The following CADPS2 variants were observed in gnomAD, a reference collection of about 807,000 sequenced individuals.
The protein encoded by CADPS2 is calcium-dependent secretion activator 2.
In CADPS2, 93 loss-of-function variants were observed where a neutral mutation model predicts 172.5. That is an observed-to-expected ratio of 0.54 (90% CI 0.46 to 0.64). CADPS2 has a LOEUF of 0.64. Among genes scored for constraint, CADPS2 ranks in the 30% least tolerant of loss-of-function variants. The probability of loss-of-function intolerance (pLI) is 0.00; values close to 1 mark genes in which losing one functional copy is unlikely to be tolerated. For missense variants in CADPS2, 1,420 were observed against 1,565.9 expected (o/e 0.91, Z 1.57); for synonymous variants, 546 against 555.2 (o/e 0.98, Z 0.23).
chr7:122,494,757 T>C (rs1056822456), intron 9 of CADPS2, among the ~76,000 whole-genome samples: 7 of 152,136 alleles, frequency 4.6e-5, no homozygotes, highest in African/African-American at 1.4e-4. Flanking sequence ...TATCTTGTGA[T>C]ACTTGTGGTT....
chr7:122,645,658 GATATATAT>G (rs71161314), intron 3 of CADPS2, among the ~76,000 whole-genome samples: 19 of 106,654 alleles, frequency 1.8e-4, no homozygotes, highest in Non-Finnish European at 2.0e-4. Flanking sequence ...ATATCTCTAA[GATATATAT>G]ATATATATAT....
At chr7:122,706,647 T>A (rs983808773) in intron 2 of CADPS2, among the ~76,000 whole-genome samples, 9 of 147,558 alleles carry the variant, frequency 6.1e-5, no homozygotes, top group Non-Finnish European at 1.0e-4. Context: ...TATAGTTACA[T>A]GCTCTTAACA....
At chr7:122,370,543 T>A (rs2041637318) in intron 25 of CADPS2, among the ~76,000 whole-genome samples, 1 of 152,196 alleles carries the variant, frequency 6.6e-6, no homozygotes, top group South Asian at 2.1e-4. Context: ...CTGGATTATA[T>A]GACAAGCAGT....
At chr7:122,617,959 T>C (rs1351913236) in intron 5 of CADPS2, among the ~76,000 whole-genome samples, 1 of 151,388 alleles carries the variant, frequency 6.6e-6, no homozygotes, top group African/African-American at 2.4e-5. Flanking sequence ...AGGAGAATGG[T>C]GTTAACCTGG....
intron 1 of CADPS2, among the ~76,000 whole-genome samples, chr7:122,869,120 G>C (rs1384741200): frequency 6.6e-6 from 1 of 151,886 alleles, no homozygotes; most frequent in Non-Finnish European, 1.5e-5. Context: ...AAAAGAAAAA[G>C]GAATACAAAC....
rs139237006 is a variant in CADPS2 at position 122,861,026 on chromosome 7, C to A, written c.339+24973G>T. ...CAATGATAGACATTTAAGTAGATTT[C>A]CATGTCTTGACTATTGTGTACAGTA... On this transcript the variant is annotated intron_variant, in intron 1 of 29. Coordinates refer to ENST00000449022, the MANE Select transcript of CADPS2 (RefSeq NM_017954.11). Among the ~76,000 whole-genome samples, 375 of 152,252 alleles carry A rather than the reference C, an allele frequency of 2.5e-3. 9 individuals carry two copies. In the East Asian group the frequency reaches 0.061, roughly 25 times the overall value.
At chr7:122,473,722 C>T (rs1291732559) in intron 13 of CADPS2, among the ~76,000 whole-genome samples, 3 of 151,962 alleles carry the variant, frequency 2.0e-5, no homozygotes, top group Non-Finnish European at 4.4e-5. Context: ...AAGTTTAGTC[C>T]CCATATTCTG....
intron 1 of CADPS2, among the ~76,000 whole-genome samples, chr7:122,745,026 G>C (rs542265529): frequency 6.7e-6 from 1 of 149,568 alleles, no homozygotes; most frequent in Non-Finnish European, 1.5e-5. Context: ...AAACATTTAA[G>C]GTATACAAAG....
intron 8 of CADPS2, among the ~76,000 whole-genome samples, chr7:122,521,097 T>C (rs1267457738): frequency 1.3e-5 from 2 of 152,026 alleles, no homozygotes; most frequent in African/African-American, 2.4e-5. Flanking sequence ...AATCAATATA[T>C]AGAGTAGTTT....
At chr7:122,440,157 A>G (rs2051165505) in intron 16 of CADPS2, 1 of 152,214 alleles carries the variant, frequency 6.6e-6, no homozygotes, top group Admixed American at 6.5e-5. Context: ...GTCTCAATTC[A>G]GCAGGAGATG....
intron 1 of CADPS2, among the ~76,000 whole-genome samples, chr7:122,796,560 GCACACCTA>G (rs1344109489): frequency 1.3e-5 from 2 of 151,984 alleles, no homozygotes; most frequent in African/African-American, 2.4e-5. Flanking sequence ...AAATAAGGCT[GCACACCTA>G]CAACTATCAG....
chr7:122,698,156 T>C, intron 2 of CADPS2: 2 of 1,614,022 alleles, frequency 1.2e-6, no homozygotes, highest in Non-Finnish European at 1.7e-6. Flanking sequence ...ATTACGCAGC[T>C]ATCCCCATTT....
intron 8 of CADPS2, among the ~76,000 whole-genome samples, chr7:122,526,875 A>G (rs1418011180): frequency 6.6e-6 from 1 of 152,194 alleles, no homozygotes; most frequent in Non-Finnish European, 1.5e-5. Context: ...GGCAAGGGCC[A>G]TATCAGCTGT....
chr7:122,873,521 T>C (rs1820382121), intron 1 of CADPS2, among the ~76,000 whole-genome samples: 2 of 152,216 alleles, frequency 1.3e-5, no homozygotes, highest in African/African-American at 2.4e-5. Flanking sequence ...TATGGCTGCA[T>C]AGTATTCCGT....
At chr7:122,877,174 A>G (rs1033035883) in intron 1 of CADPS2, among the ~76,000 whole-genome samples, 4 of 152,192 alleles carry the variant, frequency 2.6e-5, no homozygotes, top group African/African-American at 9.6e-5. Flanking sequence ...CTAGGCATTC[A>G]CCTCTATTAA....
intron 2 of CADPS2, among the ~76,000 whole-genome samples, chr7:122,721,448 A>G (rs1454615468): frequency 1.3e-5 from 2 of 152,184 alleles, no homozygotes; most frequent in Non-Finnish European, 2.9e-5. Context: ...GAAGAAATGG[A>G]TAAATTCCTC....
At chr7:122,661,408 TA>T (rs2080513276) in intron 3 of CADPS2, among the ~76,000 whole-genome samples, 1 of 152,094 alleles carries the variant, frequency 6.6e-6, no homozygotes, top group African/African-American at 2.4e-5. Context: ...TATTTTAAGT[TA>T]ATAACATAAA....
chr7:122,545,723 TTAAC>T (rs1486012201), intron 8 of CADPS2, among the ~76,000 whole-genome samples: 4 of 152,136 alleles, frequency 2.6e-5, no homozygotes, highest in African/African-American at 9.6e-5. Flanking sequence ...GAGATAGAGA[TTAAC>T]TAATGTCAGT....
At chr7:122,724,724 C>T (rs1314451043) in intron 2 of CADPS2, among the ~76,000 whole-genome samples, 1 of 151,394 alleles carries the variant, frequency 6.6e-6, no homozygotes, top group Non-Finnish European at 1.5e-5. Flanking sequence ...ACAAAACTCG[C>T]AACGTTTTTT....
Sources: allele counts gnomAD v4.1 joint callset (sites outside exome capture counted in the v4.1 genomes callset), GRCh38; gene constraint gnomAD v4.1.1; transcripts MANE v1.5; gene names NCBI Gene and HGNC (gene_info 2026-07-23, HGNC 2026-07-21).